RPS6KC1: variants seen among roughly 807,000 people sequenced by gnomAD.
The protein encoded by RPS6KC1 is ribosomal protein S6 kinase C1, also known as inactive ribosomal protein S6 kinase delta-1.
In RPS6KC1, 54 loss-of-function variants were observed where a neutral mutation model predicts 103.8. That is an observed-to-expected ratio of 0.52 (90% confidence interval 0.42 to 0.65). The LOEUF (loss-of-function observed/expected upper bound fraction) is 0.65, where lower values mean the gene tolerates loss of function less well. Ranked by LOEUF, RPS6KC1 falls within the 30% of genes least tolerant of loss-of-function variation. The pLI, the probability that RPS6KC1 is intolerant of heterozygous loss-of-function variation, is 0.00. For missense variants in RPS6KC1, 1,151 were observed against 1,253.8 expected, an observed-to-expected ratio of 0.92 and a Z score of 1.24; for synonymous variants, 439 against 438.7, an observed-to-expected ratio of 1.00 and a Z score of -0.01.
the RPS6KC1 span, among the ~76,000 whole-genome samples, chr1:213,832,019 C>A: frequency 6.6e-6 from 1 of 152,168 alleles, no homozygotes; most frequent in Non-Finnish European, 1.5e-5. Context: ...CTTGACCTAC[C>A]TACTCTTTTA....
chr1:213,862,706 CAAAT>C, the RPS6KC1 span, among the ~76,000 whole-genome samples: 1,617 of 152,218 alleles, frequency 0.011, 33 homozygotes, highest in African/African-American at 0.034. Context: ...TATTTAAAAA[CAAAT>C]AAAAAGAGAC....
chr1:213,302,409 C>T, the RPS6KC1 span, among the ~76,000 whole-genome samples: 11 of 152,072 alleles, frequency 7.2e-5, no homozygotes, highest in East Asian at 1.9e-4. Context: ...CACCCATAAT[C>T]GCAACACTTT....
chr1:213,602,106 T>TTC, the RPS6KC1 span, among the ~76,000 whole-genome samples: 187 of 34,566 alleles, frequency 5.4e-3, 10 homozygotes, highest in East Asian at 0.029. Context: ...CTTTCTTTCT[T>TTC]TCTTTCTTTC....
At chr1:213,603,476 C>T in the RPS6KC1 span, among the ~76,000 whole-genome samples, 1 of 152,190 alleles carries the variant, frequency 6.6e-6, no homozygotes, top group African/African-American at 2.4e-5. Flanking sequence ...TATTTTTTAT[C>T]CTTCCTAATT....
chr1:213,220,021 C>T (rs1336784433), intron 8 of RPS6KC1, among the ~76,000 whole-genome samples: 1 of 151,750 alleles, frequency 6.6e-6, no homozygotes, highest in Non-Finnish European at 1.5e-5. Context: ...TTAAAAAAAC[C>T]CATCATATTT....
chr1:213,267,429 C>T (rs904732882), intron 14 of RPS6KC1, among the ~76,000 whole-genome samples: 6 of 152,070 alleles, frequency 3.9e-5, no homozygotes, highest in South Asian at 4.2e-4. Flanking sequence ...TGATAAACTT[C>T]ATGGGGAAAA....
the RPS6KC1 span, among the ~76,000 whole-genome samples, chr1:213,330,038 G>T: frequency 3.9e-5 from 6 of 152,210 alleles, no homozygotes; most frequent in Admixed American, 2.6e-4. Context: ...AGGGCCTCCC[G>T]CAGGGGCACC....
At chr1:213,149,423 T>C (rs2088341317) in intron 6 of RPS6KC1, among the ~76,000 whole-genome samples, 1 of 152,252 alleles carries the variant, frequency 6.6e-6, no homozygotes, top group African/African-American at 2.4e-5. Context: ...CAGGAACATA[T>C]TGTTTAATTT....
At chr1:213,619,864 G>A in the RPS6KC1 span, among the ~76,000 whole-genome samples, 1 of 152,200 alleles carries the variant, frequency 6.6e-6, no homozygotes, top group Non-Finnish European at 1.5e-5. Flanking sequence ...TAGAATGGAG[G>A]TAGGAAATAG....
chr1:213,469,335 C>G, the RPS6KC1 span, among the ~76,000 whole-genome samples: 1 of 152,156 alleles, frequency 6.6e-6, no homozygotes, highest in Non-Finnish European at 1.5e-5. Flanking sequence ...AAAAATGGCA[C>G]TACTGATTTT....
chr1:213,696,372 C>G, the RPS6KC1 span, among the ~76,000 whole-genome samples: 1 of 151,580 alleles, frequency 6.6e-6, no homozygotes, highest in South Asian at 2.1e-4. Context: ...CATGGTGGCA[C>G]GTGCCTGTAA....
chr1:213,624,386 AAAGGAAAC>A, the RPS6KC1 span, among the ~76,000 whole-genome samples: 1 of 152,264 alleles, frequency 6.6e-6, no homozygotes, highest in Admixed American at 6.5e-5. Context: ...GGATGGGTAG[AAAGGAAAC>A]AAGAAGAGGA....
chr1:213,215,091 G>A (rs1165884512), intron 8 of RPS6KC1, among the ~76,000 whole-genome samples: 4 of 152,184 alleles, frequency 2.6e-5, no homozygotes, highest in African/African-American at 9.7e-5. Flanking sequence ...AGCTAAAAGA[G>A]GAAGTTTGAA....
At chr1:213,444,361 C>CT in the RPS6KC1 span, among the ~76,000 whole-genome samples, 1 of 152,122 alleles carries the variant, frequency 6.6e-6, no homozygotes, top group African/African-American at 2.4e-5. Flanking sequence ...ATCACACTCT[C>CT]TTTGGGATGT....
chr1:213,742,910 G>A, the RPS6KC1 span, among the ~76,000 whole-genome samples: 35 of 152,288 alleles, frequency 2.3e-4, no homozygotes, highest in African/African-American at 8.2e-4. Flanking sequence ...GCAGAGAAAC[G>A]GGAACACTTA....
the RPS6KC1 span, among the ~76,000 whole-genome samples, chr1:213,323,119 C>T: frequency 6.6e-6 from 1 of 151,902 alleles, no homozygotes. Context: ...TTCTCTTTCT[C>T]TGAGTTCTGC....
At chr1:213,301,932 C>T in the RPS6KC1 span, among the ~76,000 whole-genome samples, 12 of 151,974 alleles carry the variant, frequency 7.9e-5, no homozygotes, top group South Asian at 2.1e-4. Context: ...GAAGGGGTTT[C>T]GCCATCTGGG....
At chr1:213,751,126 T>G in the RPS6KC1 span, among the ~76,000 whole-genome samples, 1 of 152,060 alleles carries the variant, frequency 6.6e-6, no homozygotes, top group Non-Finnish European at 1.5e-5. Flanking sequence ...CCACCATGAA[T>G]TTTCTACACA....
the RPS6KC1 span, among the ~76,000 whole-genome samples, chr1:213,800,100 G>A: frequency 6.6e-6 from 1 of 152,026 alleles, no homozygotes; most frequent in Non-Finnish European, 1.5e-5. Flanking sequence ...ACCTCTGAAG[G>A]CCCCAAATCC....
Sources: gnomAD v4.1 joint callset for allele counts (sites outside exome capture counted in the v4.1 genomes callset) on GRCh38, gnomAD v4.1.1 for gene constraint, MANE v1.5 for transcripts, NCBI Gene and HGNC (gene_info 2026-07-23, HGNC 2026-07-21) for gene names.